Variants in ABCB10 observed in about 807,000 individuals in gnomAD.
ABCB10 encodes ATP-binding cassette sub-family B member 10, mitochondrial.
A neutral mutation model predicts 65.4 loss-of-function variants in ABCB10; 54 were observed. That is an observed-to-expected ratio of 0.83 (90% CI 0.66 to 1.04). The LOEUF is 1.04. ABCB10 is among the 50% of genes least tolerant of loss of function. ABCB10 has a pLI of 0.00. For synonymous variants in ABCB10, 418 were observed against 406.5 expected, an observed-to-expected ratio of 1.03 and a Z score of -0.34; for missense variants, 846 against 976.6, an observed-to-expected ratio of 0.87 and a Z score of 1.78.
At chr1:229,538,451 A>T (rs1662770497) in intron 6 of ABCB10, among the ~76,000 whole-genome samples, 2 of 152,200 alleles carry the variant, frequency 1.3e-5, no homozygotes, top group Admixed American at 1.3e-4. Context: ...CAGGACCACA[A>T]CAGGGTGTGA....
At chr1:229,540,877 A>C in intron 4 of ABCB10, 125 bp from the exon 5 acceptor site, 9 of 1,158,796 alleles carry the variant, frequency 7.8e-6, no homozygotes, top group Non-Finnish European at 1.1e-5. Context: ...AAATAGTGAT[A>C]GTAAGAAGTG....
At chr1:229,556,347 G>C (rs1290342553) in intron 1 of ABCB10, among the ~76,000 whole-genome samples, 2 of 151,332 alleles carry the variant, frequency 1.3e-5, no homozygotes, top group African/African-American at 4.9e-5. Flanking sequence ...ACTCCAGCCT[G>C]GGCAACAAGA....
chr1:229,536,732 G>C (rs1472679052), intron 6 of ABCB10, among the ~76,000 whole-genome samples: 1 of 152,200 alleles, frequency 6.6e-6, no homozygotes. Context: ...GAGGCAGGCA[G>C]ATTGCTTGAG....
Position 229,547,664 on chromosome 1 carries a change from G to A in ABCB10, c.756C>T (p.Phe252=), listed in dbSNP as rs747934489. ...CAACCTCCTGCCTCAGAATGGAGGA[G>A]AATAATGAAGTTCTCAGCCTATTCA... is the stretch of plus-strand genomic sequence containing the variant. ...RIVNRLRTSL[F]SSILRQEVAF... is the part of the protein sequence containing the mutation. The change falls in exon 3 of 13, where the codon TTC becomes TTT. Residue 252 remains phenylalanine, a synonymous_variant. Coordinates refer to ENST00000344517, the MANE Select transcript of ABCB10 (RefSeq NM_012089.3). 1.2e-6 allele frequency: 2 copies of A among 1,614,106 alleles called. No homozygotes were observed. The highest frequency in any genetic ancestry group is 1.7e-6 in the Non-Finnish European group (2 of 1,180,050).
In ABCB10 at chr1:229,558,138, G is replaced by T; in HGVS notation, c.515C>A (p.Ala172Glu). ...GLAYPERRRLAAAVGFLTMSS... is the reference protein window; with the variant it reads ...GLAYPERRRLEAAVGFLTMSS... ...GAAGTGGCCGGGGAGGACCCTACCT[G>T]CCAGCCTCCGGCGCTCAGGGTACGC... Residue 172 changes from alanine to glutamate, a missense_variant and splice_region_variant, in exon 1 of 13, where the codon GCA becomes GAA. Physicochemically the swap from Ala to Glu is moderately radical, Grantham distance 107. Coordinates refer to ENST00000344517, the MANE Select transcript of ABCB10 (RefSeq NM_012089.3). 1 of 1,404,234 alleles carries T rather than the reference G, an allele frequency of 7.1e-7. No individual in the cohort carries two copies. Among genetic ancestry groups the T allele is most frequent in the Non-Finnish European group, 9.2e-7 (1 of 1,082,328 alleles). The allele number at this position is 1,404,234 out of a possible 1,614,324, so 87.0% of individuals were successfully genotyped here.
At chr1:229,558,026 C>A (rs1352178545) in intron 1 of ABCB10, 110 bp downstream of exon 1, 7 of 1,165,186 alleles carry the variant, frequency 6.0e-6, no homozygotes, top group Non-Finnish European at 7.6e-6. Flanking sequence ...CCAGGAGAGG[C>A]GGCGGTGACA....
At chr1:229,542,956 C>A (rs545607386) in intron 3 of ABCB10, among the ~76,000 whole-genome samples, 6 of 151,886 alleles carry the variant, frequency 4.0e-5, no homozygotes, top group Non-Finnish European at 8.8e-5. Context: ...CGTGGTGAAA[C>A]CCCATCTCTA....
At chr1:229,540,826 T>A in intron 4 of ABCB10, 74 bp from the exon 5 acceptor site, 1 of 1,482,208 alleles carries the variant, frequency 6.7e-7, no homozygotes. Flanking sequence ...AAAAATAAAA[T>A]GTGGTTCTCA....
chr1:229,535,830 A>G (rs1315045288), intron 6 of ABCB10, among the ~76,000 whole-genome samples: 1 of 151,980 alleles, frequency 6.6e-6, no homozygotes, highest in Non-Finnish European at 1.5e-5. Context: ...GGTTCAAGCA[A>G]TTCTCCTGTC....
At chr1:229,541,324 T>C (rs554208032) in intron 4 of ABCB10, among the ~76,000 whole-genome samples, 47 of 152,270 alleles carry the variant, frequency 3.1e-4, no homozygotes, top group Non-Finnish European at 5.0e-4. Flanking sequence ...CCTCCCAGGT[T>C]CAAGCGATTC....
intron 8 of ABCB10, among the ~76,000 whole-genome samples, chr1:229,528,814 C>T (rs1349917602): frequency 6.6e-6 from 1 of 152,076 alleles, no homozygotes; most frequent in Non-Finnish European, 1.5e-5. Flanking sequence ...AGGTGTGGGG[C>T]TCCACATCTG....
In ABCB10 at chr1:229,518,155, T is replaced by C. The variant is rs768902878; in HGVS notation, c.*24A>G. The C allele has an allele frequency of 6.4e-7, 1 of 1,562,936 alleles. No homozygotes were observed. The highest frequency in any genetic ancestry group is 8.8e-7 in the Non-Finnish European group (1 of 1,134,134). ...AACACTGTTTTGCATTAAAGTCTCA[T>C]ATTGTTTACCAGTAATTGCTTCCTT... is the stretch of plus-strand genomic sequence containing the variant. On this transcript the variant is annotated 3_prime_UTR_variant, in exon 13 of 13. Coordinates refer to ENST00000344517, the MANE Select transcript of ABCB10 (RefSeq NM_012089.3).
chr1:229,557,288 G>A (rs1259947507), intron 1 of ABCB10, among the ~76,000 whole-genome samples: 1 of 152,056 alleles, frequency 6.6e-6, no homozygotes, highest in African/African-American at 2.4e-5. Flanking sequence ...CTATACATAC[G>A]AATATTTCAT....
At chr1:229,547,252 A>G (rs1490164998) in intron 3 of ABCB10, among the ~76,000 whole-genome samples, 1 of 152,194 alleles carries the variant, frequency 6.6e-6, no homozygotes, top group Admixed American at 6.6e-5. Flanking sequence ...CACACATCTC[A>G]GAATACCCAG....
At position 229,542,268 on chromosome 1, in the gene ABCB10, A is replaced by G. The variant is rs1662868120; in HGVS notation, c.1025T>C (p.Val342Ala). 4 of 1,613,988 alleles carry G rather than the reference A, an allele frequency of 2.5e-6. No homozygotes were observed. The highest frequency in any genetic ancestry group is 3.4e-6 in the Non-Finnish European group (4 of 1,180,016). The change falls in exon 4 of 13, where the codon GTC becomes GCC. Residue 342 changes from valine to alanine, a missense_variant. Around this residue, in one of 2 missense-constraint regions of ABCB10, gnomAD observed 632 missense variants for 803.2 expected, o/e 0.79. Transcript: ENST00000344517. ...YGRYLRKLTKVTQDSLAQATQ... is the reference protein window; with the variant it reads ...YGRYLRKLTKATQDSLAQATQ... ...GGCTTGTGCCAGGGAATCCTGAGTG[A>G]CTTTGGTCAGTTTCCGTAGATATCG...
At chr1:229,551,767 A>G (rs1663123286) in intron 1 of ABCB10, among the ~76,000 whole-genome samples, 1 of 152,244 alleles carries the variant, frequency 6.6e-6, no homozygotes. Flanking sequence ...TGAGGTTCCG[A>G]GTACCTCAGC....
At position 229,526,061 on chromosome 1, in the gene ABCB10, T is replaced by G. The variant is rs764872659; in HGVS notation, c.1781A>C (p.Asp594Ala). ...IAENIAYGAD[D>A]PSSVTAEEIQ... is the part of the protein sequence containing the mutation. ...TTCCTCAGCGGTCACAGAGGAAGGG[T>G]CATCAGCACCATAAGCAATGTTCTC... Residue 594 changes from aspartate (D) to alanine (A), a missense_variant, in exon 10 of 13, where the codon GAC (aspartate) becomes GCC (alanine). Physicochemically the swap from Asp to Ala is moderately radical, Grantham distance 126 (BLOSUM62 -2). This residue lies in a region of ABCB10 where 632 missense variants were observed against 803.2 expected (regional missense o/e 0.79). Coordinates refer to ENST00000344517, the MANE Select transcript of ABCB10 (RefSeq NM_012089.3). The G allele has an allele frequency of 5.6e-6, 9 of 1,614,098 alleles. No homozygotes were observed. The Admixed American group carries it at 1.3e-4, about 24-fold the overall frequency.
intron 3 of ABCB10, among the ~76,000 whole-genome samples, chr1:229,543,992 G>A (rs1320111596): frequency 6.6e-6 from 1 of 152,198 alleles, no homozygotes; most frequent in African/African-American, 2.4e-5. Context: ...TGTAGGGCAG[G>A]CACAGTCCAT....
chr1:229,523,119 AATC>A (rs1233493492), intron 10 of ABCB10, among the ~76,000 whole-genome samples: 2 of 152,192 alleles, frequency 1.3e-5, no homozygotes, highest in African/African-American at 4.8e-5. Context: ...AAGTCACTCT[AATC>A]CTGTCTTTTT....
Sources: gnomAD v4.1 joint callset for allele counts (sites outside exome capture counted in the v4.1 genomes callset) on GRCh38, gnomAD v4.1.1 for gene constraint, gnomAD v4.1.1 regional missense constraint, MANE v1.5 for transcripts, NCBI Gene and HGNC (gene_info 2026-07-23, HGNC 2026-07-21) for gene names.